The following RTN4 variants were observed in gnomAD, a reference collection of about 807,000 sequenced individuals.
RTN4 encodes reticulon-4.
Under a neutral mutation model 90.4 loss-of-function variants are expected in RTN4, and 32 were observed. That is an observed-to-expected ratio of 0.35 (90% CI 0.27 to 0.48). RTN4 has a LOEUF of 0.48. Ranked by LOEUF, RTN4 falls within the 20% of genes least tolerant of loss-of-function variation. The pLI is 0.99. For missense variants in RTN4, 1,706 were observed against 1,430.2 expected (o/e 1.19, Z -3.11); for synonymous variants, 629 against 552.5 (o/e 1.14, Z -1.94).
At chr2:55,054,677 A>G (rs139289514), upstream of RTN4, among the ~76,000 whole-genome samples, 48 of 152,296 alleles carry the variant, frequency 3.2e-4, no homozygotes, top group East Asian at 8.9e-3. Flanking sequence ...GGTGGATTGT[A>G]GAGAAACCTG....
At chr2:55,042,858 A>C (rs1177642323) in intron 1 of RTN4, among the ~76,000 whole-genome samples, 2 of 152,194 alleles carry the variant, frequency 1.3e-5, no homozygotes, top group Non-Finnish European at 2.9e-5. Context: ...TTCCTCAAGG[A>C]GTACACTGTC....
At chr2:55,003,577 T>A (rs966330656) in intron 3 of RTN4, among the ~76,000 whole-genome samples, 1 of 152,160 alleles carries the variant, frequency 6.6e-6, no homozygotes, top group Non-Finnish European at 1.5e-5. Context: ...AAGAAAAGTA[T>A]TGCCTAAATT....
chr2:54,975,782 G>A (rs1234428594), intron 5 of RTN4, among the ~76,000 whole-genome samples: 1 of 152,144 alleles, frequency 6.6e-6, no homozygotes, highest in Non-Finnish European at 1.5e-5. Flanking sequence ...TTACAGCTTA[G>A]GAAGACACTT....
chr2:55,033,669 C>T (rs550592504), intron 1 of RTN4, among the ~76,000 whole-genome samples: 1 of 152,316 alleles, frequency 6.6e-6, no homozygotes, highest in East Asian at 1.9e-4. Flanking sequence ...TTCCTTCAGG[C>T]ATAAATTATA....
chr2:55,118,936 A>T, the RTN4 span, among the ~76,000 whole-genome samples: 4 of 152,228 alleles, frequency 2.6e-5, no homozygotes, highest in Non-Finnish European at 5.9e-5. Flanking sequence ...TCTACACAAA[A>T]TGCAAAACAG....
chr2:55,019,626 G>C (rs1396209492), intron 3 of RTN4, among the ~76,000 whole-genome samples: 2 of 152,152 alleles, frequency 1.3e-5, no homozygotes, highest in African/African-American at 4.8e-5. Flanking sequence ...TAGGAGGAAT[G>C]TTCTATTATA....
chr2:55,136,162 G>A, the RTN4 span, among the ~76,000 whole-genome samples: 29 of 152,152 alleles, frequency 1.9e-4, no homozygotes, highest in Non-Finnish European at 3.8e-4. Flanking sequence ...TCAGAAGTTG[G>A]GTGAGTGGGC....
intron 1 of RTN4, among the ~76,000 whole-genome samples, chr2:55,111,660 G>C (rs1668040019): frequency 2.6e-5 from 4 of 151,548 alleles, no homozygotes. Flanking sequence ...GGCTGTTTAG[G>C]AGGAGGGGTC....
In RTN4 at chr2:55,031,710, C is replaced by G. The variant is rs183730945; in HGVS notation, c.557-3490G>C. ...AGTCAGCAAACCATGGCTCATGAGC[C>G]CATATTGTATTGGAACACAGCCACG... On this transcript the variant is annotated intron_variant, in intron 1 of 8. Coordinates refer to ENST00000337526, the MANE Select transcript of RTN4 (RefSeq NM_020532.5). 2.0e-4 allele frequency among the ~76,000 whole-genome samples: 31 copies of G among 152,270 alleles called. No individual in the cohort carries two copies. In the East Asian group the frequency reaches 5.8e-3, roughly 28 times the overall value.
chr2:55,105,643 T>G (rs1322143469), intron 1 of RTN4, among the ~76,000 whole-genome samples: 1 of 151,974 alleles, frequency 6.6e-6, no homozygotes, highest in African/African-American at 2.4e-5. Flanking sequence ...TTTTGTGGAG[T>G]GTGTTTATGA....
chr2:55,040,521 G>C (rs563927834), intron 1 of RTN4, among the ~76,000 whole-genome samples: 3 of 152,224 alleles, frequency 2.0e-5, no homozygotes, highest in Non-Finnish European at 4.4e-5. Context: ...CTTCCATTTA[G>C]GCGAGTTTAT....
Position 55,025,229 on chromosome 2 carries a change from G to A in RTN4, c.2870C>T (p.Ala957Val). The change falls in exon 3 of 9, where the codon GCT becomes GTT. Residue 957 changes from alanine (A) to valine (V), a missense_variant. Coordinates refer to ENST00000337526, the MANE Select transcript of RTN4 (RefSeq NM_020532.5). ...CTCTATCTCTGCTTGAGTGGCCAAA[G>A]CAGAAACATCTGGAGGCAATAAGAG... is the stretch of plus-strand genomic sequence containing the variant. ...KVLLLPPDVS[A>V]LATQAEIESI... 1.9e-6 allele frequency: 3 copies of A among 1,613,836 alleles called. No individual in the cohort carries two copies. The Admixed American group carries it at 5.0e-5, about 27-fold the overall frequency.
intron 5 of RTN4, among the ~76,000 whole-genome samples, chr2:54,976,337 T>C (rs189068019): frequency 7.2e-5 from 11 of 152,290 alleles, no homozygotes; most frequent in African/African-American, 2.4e-4. Flanking sequence ...TTGAGAACAC[T>C]TCCTAAAAGC....
intron 3 of RTN4, among the ~76,000 whole-genome samples, chr2:55,001,040 CAT>C (rs1402856635): frequency 6.6e-6 from 1 of 151,948 alleles, no homozygotes; most frequent in South Asian, 2.1e-4. Context: ...ATAAAAAAGA[CAT>C]TGGTGAATTT....
In RTN4 at chr2:55,072,149, A is replaced by ATT. The variant is rs5831337; in HGVS notation, c.-63+8338_-63+8339dup. Among the ~76,000 whole-genome samples the ATT allele has an allele frequency of 7.7e-4, 115 of 148,646 alleles. 1 individual carries two copies. Among genetic ancestry groups the ATT allele is most frequent in the East Asian group, 1.6e-3 (8 of 5,112 alleles). ...TTATTGATGTGGATTGTTTTTAGTT[A>ATT]TTTTTTTTTTCAAAAAAAAATATGT... On this transcript the variant is annotated intron_variant, in intron 2 of 3. Coordinates refer to the RTN4 transcript ENST00000427710.
Position 55,100,808 on chromosome 2 carries a change from G to T in RTN4, c.-214+11712C>A, listed in dbSNP as rs571466074. On this transcript the variant is annotated intron_variant, in intron 1 of 3. Transcript: ENST00000427710. ...TCTCAGGATGCACTAGGGTTCATTT[G>T]TGCTTAAACAAAAATTTACTTGCTT... Among the ~76,000 whole-genome samples the T allele has an allele frequency of 1.5e-3, 222 of 151,862 alleles. No individual in the cohort carries two copies. In the Middle Eastern group the frequency reaches 0.041, roughly 28 times the overall value.
At chr2:55,086,389 A>G (rs1012901589) in intron 1 of RTN4, among the ~76,000 whole-genome samples, 2 of 152,074 alleles carry the variant, frequency 1.3e-5, no homozygotes, top group Non-Finnish European at 1.5e-5. Flanking sequence ...GGCTGGGTGC[A>G]GTGGCTCGCA....
At chr2:55,003,084 G>T (rs1007554893) in intron 3 of RTN4, among the ~76,000 whole-genome samples, 1 of 152,120 alleles carries the variant, frequency 6.6e-6, no homozygotes, top group African/African-American at 2.4e-5. Flanking sequence ...ATACTGTCCC[G>T]TAACTCTAGA....
the RTN4 span, among the ~76,000 whole-genome samples, chr2:55,122,647 T>C: frequency 6.6e-6 from 1 of 152,218 alleles, no homozygotes; most frequent in Non-Finnish European, 1.5e-5. Context: ...GCAGGCAGTG[T>C]GCTGGGCAGC....
Sources: gnomAD v4.1 joint callset for allele counts (sites outside exome capture counted in the v4.1 genomes callset) on GRCh38, gnomAD v4.1.1 for gene constraint, MANE v1.5 for transcripts, NCBI Gene and HGNC (gene_info 2026-07-23, HGNC 2026-07-21) for gene names.